The following C3orf38 variants were observed in gnomAD, a reference collection of about 807,000 sequenced individuals.
C3orf38 encodes chromosome 3 open reading frame 38.
Under a neutral mutation model 28.3 loss-of-function variants are expected in C3orf38, and 18 were observed. The ratio of observed to expected loss-of-function variants is 0.64; its 90% confidence interval spans 0.44 to 0.94. The LOEUF (loss-of-function observed/expected upper bound fraction) is 0.94. Among genes scored for constraint, C3orf38 ranks in the 40% least tolerant of loss-of-function variants. The pLI, the probability that C3orf38 is intolerant of heterozygous loss-of-function variation, is 0.00. For missense variants in C3orf38, 364 were observed against 396.4 expected (o/e 0.92, Z 0.69); for synonymous variants, 145 against 138.1 (o/e 1.05, Z -0.35).
Position 88,150,029 on chromosome 3 carries a change from T to C in C3orf38, c.-24T>C, listed in dbSNP as rs6551277. On this transcript the variant is annotated 5_prime_UTR_variant, in exon 1 of 3. Transcript: ENST00000318887. The stretch of plus-strand genomic sequence containing the variant: ...GCCGTAGGGGCGACATTGTTGCCGT[T>C]GTCTTTCCCCCCCAGTCCCGGGGAT... The C allele has an allele frequency of 0.84, 1,359,662 of 1,613,350 alleles. 575,360 individuals are homozygous for C. Among genetic ancestry groups the C allele is most frequent in the South Asian group, 0.91 (82,602 of 91,056 alleles).
intron 2 of C3orf38, 52 bp from the exon 3 acceptor site, chr3:88,155,969 T>C (rs1029471843): frequency 2.9e-6 from 4 of 1,385,388 alleles, no homozygotes; most frequent in Admixed American, 4.9e-5. Flanking sequence ...AAAATAGATA[T>C]GAAAGTTAAA....
chr3:88,155,152 G>A (rs997515682), intron 2 of C3orf38, among the ~76,000 whole-genome samples: 2 of 151,962 alleles, frequency 1.3e-5, no homozygotes, highest in South Asian at 2.1e-4. Context: ...GAACCACCAC[G>A]CCCAGCTTAC....
chr3:88,156,733 A>G lies in C3orf38; in HGVS notation c.*98A>G. ...TCAGCCTGAAAAAAATCTTCTATACAGAAACTCTTCCAAATACTATATCAG... is the reference window on the plus strand; with the variant it reads ...TCAGCCTGAAAAAAATCTTCTATACGGAAACTCTTCCAAATACTATATCAG... On this transcript the variant is annotated 3_prime_UTR_variant, in exon 3 of 3. Coordinates refer to ENST00000318887, the MANE Select transcript of C3orf38 (RefSeq NM_173824.4). 8.0e-7 allele frequency: 1 copy of G among 1,257,456 alleles called. No individual in the cohort carries two copies. Among genetic ancestry groups the G allele is most frequent in the South Asian group, 1.5e-5 (1 of 67,302 alleles). The allele number at this position is 1,257,456 out of a possible 1,614,324, so 77.9% of individuals were successfully genotyped here.
rs1284906704 is a variant in C3orf38, at chr3:88,156,102, C to T, written c.457C>T (p.Leu153Phe). The T allele has an allele frequency of 6.2e-7, 1 of 1,605,844 alleles. No individual in the cohort carries two copies. The highest frequency in any genetic ancestry group is 8.5e-7 in the Non-Finnish European group (1 of 1,177,226). Residue 153 changes from leucine to phenylalanine, a missense_variant, in exon 3 of 3, where the codon CTT (leucine) becomes TTT (phenylalanine). Leu to Phe is a conservative substitution (Grantham distance 22). Transcript: ENST00000318887. ...EEFCHWFFGL[L>F]NSQNPFLGPP... Reference sequence around the variant, plus strand: ...ATTCTGTCATTGGTTCTTTGGACTTCTTAATTCTCAGAATCCTTTTCTAGG... The same window carrying T: ...ATTCTGTCATTGGTTCTTTGGACTTTTTAATTCTCAGAATCCTTTTCTAGG...
In C3orf38 at chr3:88,156,458, C is replaced by G; in HGVS notation, c.813C>G (p.Ile271Met). The G allele has an allele frequency of 6.2e-7, 1 of 1,614,152 alleles. No individual in the cohort carries two copies. Among genetic ancestry groups the G allele is most frequent in the Non-Finnish European group, 8.5e-7 (1 of 1,180,034 alleles). ...FVENTWKIKF[I>M]NLKIMGESSL... ...AGAATACTTGGAAAATCAAATTTATCAACCTGAAAATTATGGGAGAGAGTT... is the reference window on the plus strand; with the variant it reads ...AGAATACTTGGAAAATCAAATTTATGAACCTGAAAATTATGGGAGAGAGTT... The change falls in exon 3 of 3, where the codon ATC (isoleucine) becomes ATG (methionine). Residue 271 changes from isoleucine (I) to methionine (M), a missense_variant. Ile to Met is a conservative substitution (Grantham distance 10). Transcript: ENST00000318887.
At position 88,156,559 on chromosome 3, in the gene C3orf38, T is replaced by C; in HGVS notation, c.914T>C (p.Ile305Thr). The C allele has an allele frequency of 6.2e-7, 1 of 1,614,072 alleles. No homozygotes were observed. The highest frequency in any genetic ancestry group is 1.3e-5 in the African/African-American group (1 of 75,044). Residue 305 changes from isoleucine to threonine, a missense_variant, in exon 3 of 3, where the codon ATC (isoleucine) becomes ACC (threonine). By Grantham distance (89) the Ile-to-Thr change is moderately conservative. Coordinates refer to ENST00000318887, the MANE Select transcript of C3orf38 (RefSeq NM_173824.4). ...QSDLEAFYNVITVCGTNEVRH... is the reference protein window; with the variant it reads ...QSDLEAFYNVTTVCGTNEVRH... ...GATCTAGAGGCCTTTTATAATGTAA[T>C]CACTGTATGTGGTACCAATGAAGTA...
At chr3:88,154,435 T>A (rs1055999086) in intron 2 of C3orf38, among the ~76,000 whole-genome samples, 1 of 152,098 alleles carries the variant, frequency 6.6e-6, no homozygotes, top group Non-Finnish European at 1.5e-5. Context: ...GGACATTGGC[T>A]GTTTCTGTTC....
chr3:88,152,035 A>AGCTAG (rs1415715473), intron 1 of C3orf38, among the ~76,000 whole-genome samples: 1 of 152,178 alleles, frequency 6.6e-6, no homozygotes, highest in Non-Finnish European at 1.5e-5. Flanking sequence ...TTATGTCCTA[A>AGCTAG]GCTAGGGGGT....
At chr3:88,150,402 T>G (rs1439659743) in intron 1 of C3orf38, among the ~76,000 whole-genome samples, 6 of 152,220 alleles carry the variant, frequency 3.9e-5, no homozygotes, top group Non-Finnish European at 8.8e-5. Context: ...TGGGCAGCGC[T>G]TGTTGATTCA....
chr3:88,157,681 C>A lies in C3orf38; in HGVS notation c.*1046C>A, dbSNP rs1707498488. On this transcript the variant is annotated 3_prime_UTR_variant, in exon 3 of 3. Coordinates refer to ENST00000318887, the MANE Select transcript of C3orf38 (RefSeq NM_173824.4). ...ATTATTTACATGCTTTGTTTAAATT[C>A]TTCATCACCTAGCAACTGTTTGCTG... The A allele has an allele frequency of 6.6e-6, 1 of 152,120 alleles. No individual in the cohort carries two copies. The highest frequency in any genetic ancestry group is 1.5e-5 in the Non-Finnish European group (1 of 67,998). 9.4% of individuals were successfully genotyped at this position (152,120 alleles called of 1,614,324 possible). A position where few individuals can be genotyped will look rare whatever the true frequency, so the allele number is the denominator to read the frequency against.
rs1254242043 is a variant in C3orf38, at chr3:88,157,765, T to C, written c.*1130T>C. On this transcript the variant is annotated 3_prime_UTR_variant, in exon 3 of 3. Coordinates refer to ENST00000318887, the MANE Select transcript of C3orf38 (RefSeq NM_173824.4). ...AATTACCATTTGGAAAAGAACTCAA[T>C]TGGGAAATGTGATGACGTATTGTAC... is the stretch of plus-strand genomic sequence containing the variant. 1 of 152,164 alleles carries C rather than the reference T, an allele frequency of 6.6e-6. No individual in the cohort carries two copies. Among genetic ancestry groups the C allele is most frequent in the East Asian group, 1.9e-4 (1 of 5,190 alleles). 9.4% of individuals were successfully genotyped at this position (152,164 alleles called of 1,614,324 possible). A position where few individuals can be genotyped will look rare whatever the true frequency, so the allele number is the denominator to read the frequency against.
rs775056803 is a variant in C3orf38, at chr3:88,153,280, A to C, written c.184A>C (p.Arg62=). 10 of 1,613,222 alleles carry C rather than the reference A, an allele frequency of 6.2e-6. No individual in the cohort carries two copies. The East Asian group carries it at 1.8e-4, about 29-fold the overall frequency. The change falls in exon 2 of 3, where the codon AGG becomes CGG. Residue 62 remains arginine (R), a synonymous_variant. Coordinates refer to ENST00000318887, the MANE Select transcript of C3orf38 (RefSeq NM_173824.4). ...AYSQSAEELL[R]RRKVHREVIF... ...CAGTCAAAGTGCAGAAGAACTTCTG[A>C]GGCGTAGAAAAGTCCACCGAGAAGT...
At position 88,156,729 on chromosome 3, in the gene C3orf38, A is replaced by T. The variant is rs553555418; in HGVS notation, c.*94A>T. On this transcript the variant is annotated 3_prime_UTR_variant, in exon 3 of 3. Transcript: ENST00000318887. ...ACTGTCAGCCTGAAAAAAATCTTCT[A>T]TACAGAAACTCTTCCAAATACTATA... The T allele has an allele frequency of 7.9e-7, 1 of 1,268,636 alleles. No individual in the cohort carries two copies. Among genetic ancestry groups the T allele is most frequent in the South Asian group, 1.5e-5 (1 of 67,910 alleles). 78.6% of individuals were successfully genotyped at this position (1,268,636 alleles called of 1,614,324 possible).
In C3orf38 at chr3:88,156,904, CCA is replaced by C; in HGVS notation, c.*271_*272del. ...TCTGAAAGCTTAATGCAAATAAATC[CCA>C]CTTTAGATCTTACAGCTAACTGTGT... is the stretch of plus-strand genomic sequence containing the variant. On this transcript the variant is annotated 3_prime_UTR_variant, in exon 3 of 3. Transcript: ENST00000318887. 2.8e-6 allele frequency: 1 copy of C among 360,388 alleles called. No individual in the cohort carries two copies. The highest frequency in any genetic ancestry group is 5.0e-6 in the Non-Finnish European group (1 of 200,460). The allele number at this position is 360,388 out of a possible 1,614,324, so 22.3% of individuals were successfully genotyped here.
intron 1 of C3orf38, among the ~76,000 whole-genome samples, chr3:88,151,268 A>T (rs1707408082): frequency 6.6e-6 from 1 of 152,172 alleles, no homozygotes; most frequent in African/African-American, 2.4e-5. Context: ...TGAAATGAAA[A>T]CCAGAAACAG....
At chr3:88,155,461 A>AT (rs766206253) in intron 2 of C3orf38, among the ~76,000 whole-genome samples, 7,897 of 48,796 alleles carry the variant, frequency 0.16, 222 homozygotes, top group Admixed American at 0.25. Flanking sequence ...GTTCATACTG[A>AT]TTTTTTTTTT....
rs2107934318 is a variant in C3orf38, at chr3:88,156,263, A to T, written c.618A>T (p.Val206=). 6.2e-7 allele frequency: 1 copy of T among 1,614,178 alleles called. No individual in the cohort carries two copies. Among genetic ancestry groups the T allele is most frequent in the Non-Finnish European group, 8.5e-7 (1 of 1,180,034 alleles). ...EIVSLRLLSL[V]KEEFLFLSPN... is the part of the protein sequence containing the mutation. ...TGAGCCTTCGTTTGCTGTCACTAGT[A>T]AAAGAAGAATTTCTTTTTCTCAGCC... The change falls in exon 3 of 3, where the codon GTA becomes GTT. Residue 206 remains valine (V), a synonymous_variant. Coordinates refer to ENST00000318887, the MANE Select transcript of C3orf38 (RefSeq NM_173824.4).
intron 1 of C3orf38, chr3:88,150,572 T>C (rs1707395929): frequency 6.3e-6 from 1 of 159,670 alleles, no homozygotes; most frequent in African/African-American, 2.4e-5. Context: ...ACATTTTGTA[T>C]GTCTCTGGTA....
In C3orf38 at chr3:88,151,077, G is replaced by C. The variant is rs1707405191; in HGVS notation, c.133+892G>C. 2 of 152,112 alleles carry C rather than the reference G, an allele frequency of 1.3e-5. 1 individual carries two copies. The highest frequency in any genetic ancestry group is 4.1e-4 in the South Asian group (2 of 4,830). The allele number at this position is 152,112 out of a possible 1,614,324, so 9.4% of individuals were successfully genotyped here. On this transcript the variant is annotated intron_variant, in intron 1 of 2. Transcript: ENST00000318887. The stretch of plus-strand genomic sequence containing the variant: ...TTTCACCTTCTTATAATCATGGTGA[G>C]TGTGAATTTAAAATTATAATGGATA...
Sources: gnomAD v4.1 joint callset for allele counts (sites outside exome capture counted in the v4.1 genomes callset) on GRCh38, gnomAD v4.1.1 for gene constraint, MANE v1.5 for transcripts, NCBI Gene and HGNC (gene_info 2026-07-23, HGNC 2026-07-21) for gene names.